Variants in GRK3 observed in about 807,000 individuals in gnomAD.
The protein encoded by GRK3 is G protein-coupled receptor kinase 3.
GRK3 carries 54 observed loss-of-function variants against 95.7 expected under a neutral mutation model. The ratio of observed to expected loss-of-function variants is 0.56; its 90% CI spans 0.45 to 0.71. The LOEUF is 0.71. Ranked by LOEUF, GRK3 falls within the 30% of genes least tolerant of loss-of-function variation. The pLI is 0.00. For missense variants in GRK3, 649 were observed against 851.2 expected (o/e 0.76, Z 2.96); for synonymous variants, 281 against 290.8 (o/e 0.97, Z 0.34).
At position 25,673,565 on chromosome 22, in the gene GRK3, C is replaced by CCTTGTGGA. The variant is rs1309961032; in HGVS notation, c.556-869_556-862dup. On this transcript the variant is annotated intron_variant, in intron 7 of 20. Transcript: ENST00000324198. ...GCTTCTGCCTCGGGAGACCCTGTGT[C>CCTTGTGGA]CTTGTGGACTCTGAGAATCAAACGT... Among the ~76,000 whole-genome samples the CCTTGTGGA allele has an allele frequency of 2.0e-5, 3 of 151,914 alleles. No homozygotes were observed. The East Asian group carries it at 5.8e-4, about 29-fold the overall frequency.
In GRK3 at chr22:25,711,169, C is replaced by A; in HGVS notation, c.1491+6C>A. Reference sequence around the variant, plus strand: ...AGGATACCAAAGGGATTAAGGTACACATGTGATCATTTATTTCTTTATTTT... The same window carrying A: ...AGGATACCAAAGGGATTAAGGTACAAATGTGATCATTTATTTCTTTATTTT... On this transcript the variant is annotated splice_donor_region_variant and intron_variant, in intron 17 of 20. Coordinates refer to ENST00000324198, the MANE Select transcript of GRK3 (RefSeq NM_005160.4). 6.4e-7 allele frequency: 1 copy of A among 1,552,192 alleles called. No homozygotes were observed. Among genetic ancestry groups the A allele is most frequent in the Non-Finnish European group, 8.8e-7 (1 of 1,135,970 alleles).
intron 1 of GRK3, among the ~76,000 whole-genome samples, chr22:25,584,521 G>C (rs1932222589): frequency 6.6e-6 from 1 of 152,250 alleles, no homozygotes; most frequent in East Asian, 1.9e-4. Context: ...GCAAAGTGCT[G>C]CCTCAGTGAA....
intron 18 of GRK3, among the ~76,000 whole-genome samples, chr22:25,717,154 A>G (rs778342316): frequency 3.9e-5 from 6 of 152,152 alleles, no homozygotes; most frequent in Non-Finnish European, 5.9e-5. Context: ...GAGGTGATTT[A>G]AAGTTTGTAG....
chr22:25,682,926 C>T (rs1488468542), intron 9 of GRK3, among the ~76,000 whole-genome samples: 1 of 152,222 alleles, frequency 6.6e-6, no homozygotes, highest in Non-Finnish European at 1.5e-5. Context: ...ATGTGCCCTT[C>T]TGTGTTTGGC....
Position 25,565,172 on chromosome 22 carries a change from G to C in GRK3, c.113+19G>C, listed in dbSNP as rs142053917. ...AGCCCAGGTACCAGCTGCCCCGGCC[G>C]GCGCCGGCCCCAAGCCGCCGCCCCC... On this transcript the variant is annotated intron_variant, in intron 1 of 20. Transcript: ENST00000324198. 7.0e-7 allele frequency: 1 copy of C among 1,422,374 alleles called. No individual in the cohort carries two copies. Among genetic ancestry groups the C allele is most frequent in the South Asian group, 1.3e-5 (1 of 76,858 alleles). The allele number at this position is 1,422,374 out of a possible 1,614,324, so 88.1% of individuals were successfully genotyped here.
rs562188105 is a variant in GRK3 at position 25,681,458 on chromosome 22, G to A, written c.747+2543G>A. Among the ~76,000 whole-genome samples, 4 of 152,040 alleles carry A rather than the reference G, an allele frequency of 2.6e-5. No individual in the cohort carries two copies. The South Asian group carries it at 6.3e-4, about 24-fold the overall frequency. ...ACGTGGCTCCTCTGAGCCCAGGCAC[G>A]TGAGGTTGGGGGAATCAGATGAGGG... On this transcript the variant is annotated intron_variant, in intron 9 of 20. Coordinates refer to ENST00000324198, the MANE Select transcript of GRK3 (RefSeq NM_005160.4).
chr22:25,701,725 GA>G (rs2085260354), intron 13 of GRK3, among the ~76,000 whole-genome samples: 1 of 151,754 alleles, frequency 6.6e-6, no homozygotes, highest in Non-Finnish European at 1.5e-5. Flanking sequence ...AGGTCCGAGG[GA>G]TTTGTCAAAA....
intron 13 of GRK3, among the ~76,000 whole-genome samples, chr22:25,698,794 G>A (rs1190269165): frequency 6.6e-6 from 1 of 152,178 alleles, no homozygotes; most frequent in Non-Finnish European, 1.5e-5. Flanking sequence ...AGAAGAATGT[G>A]AGCAAAAGGC....
chr22:25,698,022 G>T (rs1300236020), intron 13 of GRK3, among the ~76,000 whole-genome samples: 1 of 151,838 alleles, frequency 6.6e-6, no homozygotes, highest in Non-Finnish European at 1.5e-5. Flanking sequence ...CAATGTACAA[G>T]AGACTGCTTG....
intron 12 of GRK3, among the ~76,000 whole-genome samples, chr22:25,692,037 C>T (rs1456967001): frequency 1.3e-5 from 2 of 152,266 alleles, no homozygotes; most frequent in African/African-American, 4.8e-5. Context: ...GATCACGGCT[C>T]ACTGCAGCCT....
At chr22:25,576,856 C>T (rs1333039554) in intron 1 of GRK3, among the ~76,000 whole-genome samples, 6 of 152,200 alleles carry the variant, frequency 3.9e-5, no homozygotes, top group African/African-American at 1.4e-4. Flanking sequence ...TTATCCACTG[C>T]AGGGGTCTGA....
Position 25,637,748 on chromosome 22 carries a change from A to G in GRK3, c.191-6844A>G, listed in dbSNP as rs113932744. On this transcript the variant is annotated intron_variant, in intron 2 of 20. Coordinates refer to ENST00000324198, the MANE Select transcript of GRK3 (RefSeq NM_005160.4). Reference sequence around the variant, plus strand: ...GATAGAAAAGTAATAGGATATGTGTATATAGACAGAAAGAGACTTATTGTA... The same window carrying G: ...GATAGAAAAGTAATAGGATATGTGTGTATAGACAGAAAGAGACTTATTGTA... 1.8e-3 allele frequency among the ~76,000 whole-genome samples: 281 copies of G among 152,366 alleles called. 2 individuals carry two copies. The highest frequency in any genetic ancestry group is 6.4e-3 in the African/African-American group (265 of 41,590).
intron 2 of GRK3, among the ~76,000 whole-genome samples, chr22:25,624,484 A>C (rs1254443558): frequency 6.6e-6 from 1 of 152,136 alleles, no homozygotes; most frequent in Non-Finnish European, 1.5e-5. Context: ...GAATGACGTG[A>C]ACCCGGGAGG....
At chr22:25,587,091 A>G (rs184009572) in intron 1 of GRK3, among the ~76,000 whole-genome samples, 1 of 152,082 alleles carries the variant, frequency 6.6e-6, no homozygotes, top group South Asian at 2.1e-4. Flanking sequence ...GGGTTTCACC[A>G]TGTCAGCCAG....
chr22:25,647,438 A>G (rs1409324306), intron 3 of GRK3: 7 of 1,310,282 alleles, frequency 5.3e-6, no homozygotes, highest in Middle Eastern at 1.9e-4. Context: ...CCATTCCATT[A>G]TACCATTTGG....
intron 11 of GRK3, among the ~76,000 whole-genome samples, chr22:25,688,215 A>G (rs549350668): frequency 1.4e-4 from 21 of 149,822 alleles, no homozygotes; most frequent in Admixed American, 8.0e-4. Context: ...CAGCCTGGAC[A>G]ACAGAGCAAG....
At chr22:25,571,733 G>C (rs908100921) in intron 1 of GRK3, among the ~76,000 whole-genome samples, 1 of 152,162 alleles carries the variant, frequency 6.6e-6, no homozygotes, top group African/African-American at 2.4e-5. Flanking sequence ...ACAGAGAAGA[G>C]CAATTGTTGA....
At chr22:25,657,521 T>G (rs1485914584) in intron 3 of GRK3, among the ~76,000 whole-genome samples, 2 of 152,220 alleles carry the variant, frequency 1.3e-5, no homozygotes, top group East Asian at 3.8e-4. Context: ...ATGAGGTATC[T>G]TTTCCCATCG....
chr22:25,613,280 C>T (rs1002569736), intron 2 of GRK3, among the ~76,000 whole-genome samples: 4 of 151,858 alleles, frequency 2.6e-5, no homozygotes, highest in Non-Finnish European at 5.9e-5. Flanking sequence ...GAAGGGCCTC[C>T]CCTGACAGAT....
Sources: allele counts gnomAD v4.1 joint callset (sites outside exome capture counted in the v4.1 genomes callset), GRCh38; gene constraint gnomAD v4.1.1; transcripts MANE v1.5; gene names NCBI Gene and HGNC (gene_info 2026-07-23, HGNC 2026-07-21).